Variants in RTRAF observed in about 807,000 individuals in gnomAD.
RTRAF encodes tRNA-splicing ligase complex subunit RTRAF.
RTRAF carries 14 observed loss-of-function variants against 34.4 expected under a neutral mutation model. The ratio of observed to expected loss-of-function variants is 0.41; its 90% CI spans 0.27 to 0.64. The LOEUF (loss-of-function observed/expected upper bound fraction) is 0.64. Among genes scored for constraint, RTRAF ranks in the 30% least tolerant of loss-of-function variants. The probability of loss-of-function intolerance (pLI) is 0.34; values close to 1 mark genes in which losing one functional copy is unlikely to be tolerated. For synonymous variants in RTRAF, 96 were observed against 95.3 expected (o/e 1.01, Z -0.04); for missense variants, 291 against 288.4 (o/e 1.01, Z -0.06).
At chr14:51,991,782 A>G (rs1197342226) in intron 2 of RTRAF, among the ~76,000 whole-genome samples, 1 of 152,224 alleles carries the variant, frequency 6.6e-6, no homozygotes, top group African/African-American at 2.4e-5. Context: ...AAAAGAAGAC[A>G]TTGGCTAGGT....
Position 51,998,581 on chromosome 14 carries a change from G to T in RTRAF, c.373+1G>T, listed in dbSNP as rs143904107. The T allele has an allele frequency of 1.6e-5, 25 of 1,576,814 alleles. No individual in the cohort carries two copies. Among genetic ancestry groups the T allele is most frequent in the Non-Finnish European group, 2.1e-5 (24 of 1,158,732 alleles). ...GCAGAACCATTGATCAATTTGGATG[G>T]TGAGTATATAAATGCATAACATTGA... On this transcript the variant is annotated splice_donor_variant, in intron 4 of 7. Coordinates refer to ENST00000261700, the MANE Select transcript of RTRAF (RefSeq NM_016039.3). LOFTEE classifies it high-confidence loss of function.
rs73301036 is a variant in RTRAF, at chr14:51,993,131, A to C, written c.187-592A>C. ...GAATGACAGTAAGAATAATTTCAAC[A>C]TATCAGAACCTAAACAGTTATTATC... On this transcript the variant is annotated intron_variant, in intron 2 of 7. Transcript: ENST00000261700. Among the ~76,000 whole-genome samples, 1,027 of 152,302 alleles carry C rather than the reference A, an allele frequency of 6.7e-3. 8 individuals carry two copies. The highest frequency in any genetic ancestry group is 0.024 in the African/African-American group (982 of 41,562).
chr14:51,991,469 TAC>T, intron 2 of RTRAF, 28 bp downstream of exon 2: 2 of 1,589,148 alleles, frequency 1.3e-6, no homozygotes, highest in African/African-American at 2.7e-5. Flanking sequence ...AAAGTAAAAA[TAC>T]AGAGAGTTTG....
In RTRAF at chr14:52,005,924, C is replaced by T; in HGVS notation, c.*1408C>T. The T allele has an allele frequency of 8.6e-7, 1 of 1,158,844 alleles. No homozygotes were observed. The highest frequency in any genetic ancestry group is 1.3e-6 in the Non-Finnish European group (1 of 773,662). The allele number at this position is 1,158,844 out of a possible 1,614,324, so 71.8% of individuals were successfully genotyped here. ...AAGAAGTCAGTCAGCCACAGAAAAT[C>T]AGTTGCAATAGAGGAAAATTTCTGG... is the stretch of plus-strand genomic sequence containing the variant. On this transcript the variant is annotated 3_prime_UTR_variant, in exon 8 of 8. Transcript: ENST00000261700.
chr14:52,008,528 C>T lies in RTRAF; in HGVS notation c.*4012C>T, dbSNP rs1289072971. The T allele has an allele frequency of 6.6e-6, 1 of 152,264 alleles. No individual in the cohort carries two copies. The highest frequency in any genetic ancestry group is 1.9e-4 in the East Asian group (1 of 5,196). 9.4% of individuals were successfully genotyped at this position (152,264 alleles called of 1,614,324 possible). Reference sequence around the variant, plus strand: ...AGGGTTTGGGCAATTTCTTACACAGCAGTAGGTAACTAATACACAGCCATA... The same window carrying T: ...AGGGTTTGGGCAATTTCTTACACAGTAGTAGGTAACTAATACACAGCCATA... On this transcript the variant is annotated 3_prime_UTR_variant, in exon 8 of 8. Transcript: ENST00000261700.
chr14:52,000,821 T>G (rs1393205346), intron 5 of RTRAF, among the ~76,000 whole-genome samples: 2 of 152,294 alleles, frequency 1.3e-5, no homozygotes, highest in East Asian at 3.9e-4. Context: ...CATGTCAGCT[T>G]TAATCATAAA....
intron 3 of RTRAF, among the ~76,000 whole-genome samples, chr14:51,994,102 T>C (rs1890479349): frequency 1.3e-5 from 2 of 152,216 alleles, no homozygotes; most frequent in South Asian, 2.1e-4. Context: ...CAAATTAAAT[T>C]GTTTTTAGTG....
intron 3 of RTRAF, among the ~76,000 whole-genome samples, chr14:51,997,271 C>T (rs750608525): frequency 4.6e-5 from 7 of 151,838 alleles, no homozygotes; most frequent in Non-Finnish European, 7.4e-5. Flanking sequence ...TTATGTTAAT[C>T]GACAAAAGGT....
Position 52,004,554 on chromosome 14 carries a change from G to GCTTCTCACCTAC in RTRAF, c.*38_*39insCTTCTCACCTAC. 1 of 1,576,762 alleles carries GCTTCTCACCTAC rather than the reference G, an allele frequency of 6.3e-7. No individual in the cohort carries two copies. The highest frequency in any genetic ancestry group is 8.6e-7 in the Non-Finnish European group (1 of 1,161,272). On this transcript the variant is annotated 3_prime_UTR_variant, in exon 8 of 8. Transcript: ENST00000261700. ...TTCAGCTTCTCACCTACTTAGTACA[G>GCTTCTCACCTAC]TTGGGAACCATACACTTCTGGCATG...
At position 51,998,476 on chromosome 14, in the gene RTRAF, T is replaced by C. The variant is rs1321094613; in HGVS notation, c.287-18T>C. ...TGAGTTGCAGTTGTACAAATTATAT[T>C]TTTGCCTGTTTTTATAGCTGAAAAA... On this transcript the variant is annotated intron_variant, in intron 3 of 7. Transcript: ENST00000261700. 3 of 1,456,836 alleles carry C rather than the reference T, an allele frequency of 2.1e-6. No homozygotes were observed. The highest frequency in any genetic ancestry group is 2.8e-6 in the Non-Finnish European group (3 of 1,069,066). The allele number at this position is 1,456,836 out of a possible 1,614,324, so 90.2% of individuals were successfully genotyped here.
chr14:51,999,728 G>A lies in RTRAF; in HGVS notation c.394G>A (p.Ala132Thr). The change falls in exon 5 of 8, where the codon GCT (alanine) becomes ACT (threonine). Residue 132 changes from alanine to threonine, a missense_variant. By Grantham distance (58) the Ala-to-Thr change is moderately conservative (BLOSUM62 0). Transcript: ENST00000261700. ...TATAGTAAATAATCCTGATTTTAAG[G>A]CTGGTGTGATGGCTTTGGCTAACCT... is the stretch of plus-strand genomic sequence containing the variant. ...NLDVNNPDFK[A>T]GVMALANLLQ... 4.4e-6 allele frequency: 7 copies of A among 1,608,556 alleles called. No individual in the cohort carries two copies. Among genetic ancestry groups the A allele is most frequent in the Non-Finnish European group, 6.0e-6 (7 of 1,176,026 alleles).
rs1461118073 is a variant in RTRAF at position 52,006,482 on chromosome 14, G to T, written c.*1966G>T. ...ACTGACTTTTGGTAAAACAAGTGGT[G>T]TGTCCTCTGGAACAGTTGGCCTTTT... is the stretch of plus-strand genomic sequence containing the variant. On this transcript the variant is annotated 3_prime_UTR_variant, in exon 8 of 8. Transcript: ENST00000261700. 1 of 1,605,572 alleles carries T rather than the reference G, an allele frequency of 6.2e-7. No homozygotes were observed. The highest frequency in any genetic ancestry group is 1.7e-5 in the Admixed American group (1 of 59,448).
chr14:52,009,716 C>T lies in RTRAF; in HGVS notation c.*5200C>T. On this transcript the variant is annotated 3_prime_UTR_variant, in exon 8 of 8. Transcript: ENST00000261700. ...TCAAGCACCAAGAAGGAATAAGGGG[C>T]CGGGCGCAGTGGCTCATACCTATAA... 6.6e-6 allele frequency: 1 copy of T among 152,354 alleles called. No homozygotes were observed. Among genetic ancestry groups the T allele is most frequent in the Non-Finnish European group, 1.5e-5 (1 of 68,088 alleles). 9.4% of individuals were successfully genotyped at this position (152,354 alleles called of 1,614,324 possible).
In RTRAF at chr14:52,006,601, T is replaced by G; in HGVS notation, c.*2085T>G. The G allele has an allele frequency of 2.5e-6, 4 of 1,613,972 alleles. No individual in the cohort carries two copies. The highest frequency in any genetic ancestry group is 2.2e-5 in the South Asian group (2 of 91,086). Reference sequence around the variant, plus strand: ...ACGATGCTGAAGGGGTACTTGAGGTTGTTTTGAATGACACGCCGTCCAGTT... The same window carrying G: ...ACGATGCTGAAGGGGTACTTGAGGTGGTTTTGAATGACACGCCGTCCAGTT... On this transcript the variant is annotated 3_prime_UTR_variant, in exon 8 of 8. Coordinates refer to ENST00000261700, the MANE Select transcript of RTRAF (RefSeq NM_016039.3).
rs765003822 is a variant in RTRAF at position 52,001,788 on chromosome 14, G to C, written c.463-10G>C. The C allele has an allele frequency of 1.9e-6, 3 of 1,609,538 alleles. No homozygotes were observed. Among genetic ancestry groups the C allele is most frequent in the Non-Finnish European group, 2.5e-6 (3 of 1,178,068 alleles). On this transcript the variant is annotated splice_polypyrimidine_tract_variant and intron_variant, in intron 5 of 7. Transcript: ENST00000261700. ...CCTATAAAAAGTAAAAATATTTTTG[G>C]GTTTCTTAGGCAATTCGGATTTTGG...
At chr14:51,990,738 T>C (rs1890419483) in intron 1 of RTRAF, among the ~76,000 whole-genome samples, 1 of 152,226 alleles carries the variant, frequency 6.6e-6, no homozygotes, top group African/African-American at 2.4e-5. Flanking sequence ...GAAACAATTA[T>C]GCACTTAATG....
chr14:51,993,554 A>G (rs1353359277), intron 2 of RTRAF, among the ~76,000 whole-genome samples, 169 bp from the exon 3 acceptor site: 3 of 152,102 alleles, frequency 2.0e-5, no homozygotes, highest in Non-Finnish European at 4.4e-5. Context: ...AAGATGATAC[A>G]CTTAAATGTT....
intron 7 of RTRAF, 47 bp from the exon 8 acceptor site, chr14:52,004,315 A>C (rs1260998431): frequency 2.5e-6 from 4 of 1,594,972 alleles, no homozygotes; most frequent in East Asian, 2.2e-5. Flanking sequence ...AATGGCCTTA[A>C]ATGTAAAAAT....
chr14:51,995,184 G>A (rs1890499554), intron 3 of RTRAF, among the ~76,000 whole-genome samples: 1 of 151,702 alleles, frequency 6.6e-6, no homozygotes, highest in African/African-American at 2.4e-5. Context: ...TACAAACTCA[G>A]TGACTGAAAA....
Sources: gnomAD v4.1 joint callset for allele counts (sites outside exome capture counted in the v4.1 genomes callset) on GRCh38, gnomAD v4.1.1 for gene constraint, MANE v1.5 for transcripts, NCBI Gene and HGNC (gene_info 2026-07-23, HGNC 2026-07-21) for gene names.